The following HDAC4 variants were observed in gnomAD, a reference collection of about 807,000 sequenced individuals.
HDAC4 encodes the protein histone deacetylase A.
Under a neutral mutation model 135.1 loss-of-function variants are expected in HDAC4, and 16 were observed. The observed-to-expected ratio is 0.12, with a 90% CI of 0.08 to 0.18. The LOEUF (loss-of-function observed/expected upper bound fraction) is 0.18, where lower values mean the gene tolerates loss of function less well. Ranked by LOEUF, HDAC4 falls within the 10% of genes least tolerant of loss-of-function variation. The probability of loss-of-function intolerance (pLI) is 1.00; values close to 1 mark genes in which losing one functional copy is unlikely to be tolerated. For synonymous variants in HDAC4, 685 were observed against 653.4 expected, an observed-to-expected ratio of 1.05 and a Z score of -0.74; for missense variants, 1,143 against 1,511.8, an observed-to-expected ratio of 0.76 and a Z score of 4.05.
At chr2:239,270,668 T>G (rs2050009738) in intron 2 of HDAC4, among the ~76,000 whole-genome samples, 1 of 152,224 alleles carries the variant, frequency 6.6e-6, no homozygotes, top group South Asian at 2.1e-4. Flanking sequence ...ATTTGTATAA[T>G]TTCTTACATG....
intron 1 of HDAC4, among the ~76,000 whole-genome samples, chr2:239,391,172 G>T (rs968979970): frequency 1.3e-5 from 2 of 152,222 alleles, no homozygotes; most frequent in African/African-American, 4.8e-5. Flanking sequence ...TACCGGGTAG[G>T]GACGCTGGCC....
rs748908618 is a variant in HDAC4, at chr2:239,115,340, A to C, written c.1534-30T>G. ...AAGGCGGAGGTAACACATGAAGCAC[A>C]GAGAGCTGGGTCCTCTGAGCTCATC... On this transcript the variant is annotated intron_variant, in intron 12 of 26. Coordinates refer to ENST00000543185, the MANE Select transcript of HDAC4 (RefSeq NM_001378414.1). The surrounding 1 kb of genome is among the most constrained non-coding windows in gnomAD (Gnocchi z 6.3). 3 of 1,612,692 alleles carry C rather than the reference A, an allele frequency of 1.9e-6. No homozygotes were observed. In the South Asian group the frequency reaches 3.3e-5, roughly 18 times the overall value.
chr2:239,277,809 G>A (rs1254198453), intron 2 of HDAC4, among the ~76,000 whole-genome samples: 2 of 152,154 alleles, frequency 1.3e-5, no homozygotes, highest in Non-Finnish European at 2.9e-5. Flanking sequence ...CGGGACCCAG[G>A]CCTGAAGCAG....
chr2:239,369,088 C>A (rs1489426000), intron 1 of HDAC4, among the ~76,000 whole-genome samples: 1 of 152,084 alleles, frequency 6.6e-6, no homozygotes. Context: ...ACAGGCTCGC[C>A]GGCAGGGAGG....
At chr2:239,177,302 C>G (rs1245744396) in intron 4 of HDAC4, among the ~76,000 whole-genome samples, 1 of 152,234 alleles carries the variant, frequency 6.6e-6, no homozygotes, top group Admixed American at 6.5e-5. Context: ...TCCACCACAG[C>G]CTGGTGTGGA....
rs961234991 is a variant in HDAC4 at position 239,146,044 on chromosome 2, C to T, written c.734-1330G>A. Among the ~76,000 whole-genome samples, 4 of 152,180 alleles carry T rather than the reference C, an allele frequency of 2.6e-5. No individual in the cohort carries two copies. The highest frequency in any genetic ancestry group is 4.4e-5 in the Non-Finnish European group (3 of 68,044). Reference sequence around the variant, plus strand: ...CTCTAAGCCTCTGCAGGGAGCGAGGCCTCTGTGCTGTGGCACGGGGGACCT... The same window carrying T: ...CTCTAAGCCTCTGCAGGGAGCGAGGTCTCTGTGCTGTGGCACGGGGGACCT... On this transcript the variant is annotated intron_variant, in intron 7 of 26. Transcript: ENST00000543185. This position sits in a 1 kb window ranked among gnomAD's most constrained non-coding sequence, Gnocchi z 4.5.
intron 3 of HDAC4, among the ~76,000 whole-genome samples, chr2:239,205,238 G>T (rs1053695756): frequency 2.9e-4 from 44 of 152,336 alleles, no homozygotes; most frequent in African/African-American, 1.1e-3. Flanking sequence ...CAGAACTGGT[G>T]GGAGACATGC....
At chr2:239,267,642 ACCTGG>A (rs2049819094) in intron 2 of HDAC4, among the ~76,000 whole-genome samples, 1 of 152,270 alleles carries the variant, frequency 6.6e-6, no homozygotes, top group Non-Finnish European at 1.5e-5. Context: ...GCCAAGGCAG[ACCTGG>A]AGGGCTCCAC....
At position 239,349,883 on chromosome 2, in the gene HDAC4, G is replaced by A. The variant is rs921241976; in HGVS notation, c.22+2795C>T. ...CCAAGGGGCAGCCCTGCCCTCACCA[G>A]TGCGGCCTGTCTTCAGCCTCCAACC... On this transcript the variant is annotated intron_variant, in intron 2 of 26. Transcript: ENST00000543185. The surrounding 1 kb of genome is among the most constrained non-coding windows in gnomAD (Gnocchi z 5.7). Among the ~76,000 whole-genome samples, 1 of 152,226 alleles carries A rather than the reference G, an allele frequency of 6.6e-6. No homozygotes were observed. Among genetic ancestry groups the A allele is most frequent in the African/African-American group, 2.4e-5 (1 of 41,470 alleles).
intron 2 of HDAC4, among the ~76,000 whole-genome samples, chr2:239,310,809 C>T (rs1030209088): frequency 6.6e-6 from 1 of 152,210 alleles, no homozygotes; most frequent in Non-Finnish European, 1.5e-5. Context: ...CACTTCCCTC[C>T]AAAACAGACA....
In HDAC4 at chr2:239,176,881, G is replaced by C. The variant is rs144411687; in HGVS notation, c.340-318C>G. Among the ~76,000 whole-genome samples the C allele has an allele frequency of 7.2e-5, 11 of 152,366 alleles. No individual in the cohort carries two copies. In the East Asian group the frequency reaches 2.1e-3, roughly 29 times the overall value. Reference sequence around the variant, plus strand: ...ATTTTGAGAACGACACAAAGACAGTGAAGAGAGCGTGAAATGGTACAACCA... The same window carrying C: ...ATTTTGAGAACGACACAAAGACAGTCAAGAGAGCGTGAAATGGTACAACCA... On this transcript the variant is annotated intron_variant, in intron 4 of 26. Transcript: ENST00000543185.
intron 1 of HDAC4, among the ~76,000 whole-genome samples, chr2:239,380,645 G>A (rs1695353698): frequency 6.6e-6 from 1 of 152,154 alleles, no homozygotes; most frequent in Non-Finnish European, 1.5e-5. Context: ...AATTAACACT[G>A]CTGAACTGTA....
In HDAC4 at chr2:239,167,077, T is replaced by C. The variant is rs3791524; in HGVS notation, c.491-3154A>G. Among the ~76,000 whole-genome samples, 129,800 of 151,800 alleles carry C rather than the reference T, an allele frequency of 0.86. 55,586 individuals carry two copies. The highest frequency in any genetic ancestry group is 0.95 in the South Asian group (4,535 of 4,762). On this transcript the variant is annotated intron_variant, in intron 5 of 26. Coordinates refer to ENST00000543185, the MANE Select transcript of HDAC4 (RefSeq NM_001378414.1). This position sits in a 1 kb window ranked among gnomAD's most constrained non-coding sequence, Gnocchi z 4.1. ...GGACTGCCCTGCAGGTCCCCCTACA[T>C]GGCCGTCCTTGAGTGGAGGCAGCAG...
intron 22 of HDAC4, among the ~76,000 whole-genome samples, chr2:239,077,501 C>T (rs957792425): frequency 3.9e-5 from 6 of 152,262 alleles, no homozygotes; most frequent in African/African-American, 9.6e-5. Flanking sequence ...GCCCCACAGG[C>T]GAGCGAAGGC....
At position 239,280,980 on chromosome 2, in the gene HDAC4, C is replaced by A. The variant is rs1419756460; in HGVS notation, c.23-44316G>T. Among the ~76,000 whole-genome samples, 5 of 138,744 alleles carry A rather than the reference C, an allele frequency of 3.6e-5. 1 individual carries two copies. The South Asian group carries it at 9.4e-4, about 26-fold the overall frequency. The allele number at this position is 138,744 out of a possible 152,430, so 91.0% of individuals were successfully genotyped here. A position where few individuals can be genotyped will look rare whatever the true frequency, so the allele number is the denominator to read the frequency against. The stretch of plus-strand genomic sequence containing the variant: ...TACACACCACTCTACAATGAACACA[C>A]CACTCTACACACAATGTACACACCA... On this transcript the variant is annotated intron_variant, in intron 2 of 26. Coordinates refer to ENST00000543185, the MANE Select transcript of HDAC4 (RefSeq NM_001378414.1).
chr2:239,061,121 G>C (rs1428322867), intron 24 of HDAC4, among the ~76,000 whole-genome samples: 2 of 150,836 alleles, frequency 1.3e-5, no homozygotes, highest in Non-Finnish European at 3.0e-5. Flanking sequence ...GTTGGCACGG[G>C]GGGAGTGTGA....
rs746399958 is a variant in HDAC4 at position 239,308,709 on chromosome 2, G to A, written c.22+43969C>T. 8.5e-5 allele frequency among the ~76,000 whole-genome samples: 13 copies of A among 152,084 alleles called. No homozygotes were observed. Among genetic ancestry groups the A allele is most frequent in the Non-Finnish European group, 1.2e-4 (8 of 68,018 alleles). ...TCCAGCCCAGTGCAGGGGTTCAGCC[G>A]CTGCAGAAACTCCGAATCTGCTAAC... On this transcript the variant is annotated intron_variant, in intron 2 of 26. Coordinates refer to ENST00000543185, the MANE Select transcript of HDAC4 (RefSeq NM_001378414.1). The surrounding 1 kb of genome is among the most constrained non-coding windows in gnomAD (Gnocchi z 4.2).
rs954976855 is a variant in HDAC4, at chr2:239,303,136, G to C, written c.22+49542C>G. On this transcript the variant is annotated intron_variant, in intron 2 of 26. Coordinates refer to ENST00000543185, the MANE Select transcript of HDAC4 (RefSeq NM_001378414.1). The surrounding 1 kb of genome is among the most constrained non-coding windows in gnomAD (Gnocchi z 5.1). The stretch of plus-strand genomic sequence containing the variant: ...GGCCCCTGGATTCAAAGTGGCAACA[G>C]AGCCTGACTCCAGCCTCAGGGCGTG... Among the ~76,000 whole-genome samples the C allele has an allele frequency of 1.3e-5, 2 of 152,220 alleles. No individual in the cohort carries two copies. Among genetic ancestry groups the C allele is most frequent in the African/African-American group, 4.8e-5 (2 of 41,462 alleles).
chr2:239,350,991 A>G (rs1693113362), intron 2 of HDAC4, among the ~76,000 whole-genome samples: 1 of 152,224 alleles, frequency 6.6e-6, no homozygotes, highest in Admixed American at 6.5e-5. Flanking sequence ...ATTTTCCCAT[A>G]GCACACTGAC....
Sources: allele counts gnomAD v4.1 joint callset (sites outside exome capture counted in the v4.1 genomes callset), GRCh38; gene constraint gnomAD v4.1.1; non-coding constraint Gnocchi (gnomAD v3.1); transcripts MANE v1.5; gene names NCBI Gene and HGNC (gene_info 2026-07-23, HGNC 2026-07-21).